GULP1: variants seen among roughly 807,000 people sequenced by gnomAD.
GULP1 encodes the protein GULP PTB domain containing engulfment adaptor 1.
GULP1 carries 19 observed loss-of-function variants against 40.9 expected under a neutral mutation model. The observed-to-expected ratio is 0.46, with a 90% confidence interval of 0.32 to 0.68. GULP1 has a LOEUF of 0.68. Among genes scored for constraint, GULP1 ranks in the 30% least tolerant of loss-of-function variants. GULP1 has a pLI of 0.03. For synonymous variants in GULP1, 119 were observed against 117.6 expected (o/e 1.01, Z -0.08); for missense variants, 312 against 362.2 (o/e 0.86, Z 1.12).
At chr2:188,460,992 G>T (rs564836519) in intron 2 of GULP1, among the ~76,000 whole-genome samples, 30 of 152,230 alleles carry the variant, frequency 2.0e-4, no homozygotes, top group African/African-American at 6.7e-4. Context: ...ATCCCACTTG[G>T]TCATGATGAA....
chr2:188,500,261 A>G (rs1250723211), intron 4 of GULP1, among the ~76,000 whole-genome samples: 1 of 151,878 alleles, frequency 6.6e-6, no homozygotes, highest in Non-Finnish European at 1.5e-5. Context: ...GTACGTGAGA[A>G]ACACTGGGAA....
rs533993119 is a variant in GULP1, at chr2:188,398,380, G to A, written c.-45+14491G>A. Among the ~76,000 whole-genome samples the A allele has an allele frequency of 2.0e-5, 3 of 152,258 alleles. No homozygotes were observed. In the South Asian group the frequency reaches 6.2e-4, roughly 32 times the overall value. Reference sequence around the variant, plus strand: ...AGTTATTGAAGAAATTGAAGAAAGTGATTTTACTTTCACTGACTTTTTAGA... The same window carrying A: ...AGTTATTGAAGAAATTGAAGAAAGTAATTTTACTTTCACTGACTTTTTAGA... On this transcript the variant is annotated intron_variant, in intron 2 of 11. Transcript: ENST00000409830.
intron 2 of GULP1, among the ~76,000 whole-genome samples, chr2:188,443,345 T>C (rs2058098114): frequency 6.6e-6 from 1 of 152,188 alleles, no homozygotes; most frequent in Non-Finnish European, 1.5e-5. Flanking sequence ...ATGTTTATTT[T>C]ACCTCCTGAT....
At chr2:188,411,904 G>A (rs1356248406) in intron 2 of GULP1, among the ~76,000 whole-genome samples, 6 of 152,166 alleles carry the variant, frequency 3.9e-5, no homozygotes, top group African/African-American at 1.4e-4. Flanking sequence ...TGTCCATTTT[G>A]GGGTGGCATC....
chr2:188,326,417 C>T (rs148598878), intron 1 of GULP1, among the ~76,000 whole-genome samples: 1 of 152,068 alleles, frequency 6.6e-6, no homozygotes, highest in East Asian at 1.9e-4. Flanking sequence ...AAATAGTTTG[C>T]CTTTTAGATA....
chr2:188,573,507 T>C (rs528947790), intron 9 of GULP1, among the ~76,000 whole-genome samples: 1 of 152,244 alleles, frequency 6.6e-6, no homozygotes, highest in Non-Finnish European at 1.5e-5. Flanking sequence ...GTTTTACATC[T>C]GTTCTTTCTT....
chr2:188,552,099 A>G (rs1343149449), intron 7 of GULP1, among the ~76,000 whole-genome samples: 1 of 150,978 alleles, frequency 6.6e-6, no homozygotes, highest in African/African-American at 2.4e-5. Context: ...ATCCGAAAAT[A>G]TTTTCTCCAA....
chr2:188,434,555 G>C (rs1039826814), intron 2 of GULP1, among the ~76,000 whole-genome samples: 1 of 150,066 alleles, frequency 6.7e-6, no homozygotes, highest in Non-Finnish European at 1.5e-5. Context: ...TTCCATATTT[G>C]TGACATCCTT....
rs2033976711 is a variant in GULP1, at chr2:188,292,472, G to A, written c.-172+306G>A. ...CGAGGTCGGGGACGCAGCGGTCTCC[G>A]GGCTCCAGAAACCTCCTTAGCCTTT... On this transcript the variant is annotated intron_variant, in intron 1 of 11. Transcript: ENST00000409830. The surrounding 1 kb of genome is among the most constrained non-coding windows in gnomAD (Gnocchi z 4.0). Among the ~76,000 whole-genome samples the A allele has an allele frequency of 6.6e-6, 1 of 152,196 alleles. No homozygotes were observed. Among genetic ancestry groups the A allele is most frequent in the South Asian group, 2.1e-4 (1 of 4,830 alleles).
chr2:188,326,136 A>G (rs1282709616), intron 1 of GULP1, among the ~76,000 whole-genome samples: 1 of 152,082 alleles, frequency 6.6e-6, no homozygotes, highest in Non-Finnish European at 1.5e-5. Context: ...CTTATTCTTT[A>G]AATCTGTTGG....
chr2:188,345,248 C>A (rs764061524), intron 1 of GULP1, among the ~76,000 whole-genome samples: 4 of 152,196 alleles, frequency 2.6e-5, no homozygotes, highest in Non-Finnish European at 5.9e-5. Flanking sequence ...CACCACTCTC[C>A]TAAGCGTTTT....
chr2:188,452,866 A>G (rs2058943031), intron 2 of GULP1, among the ~76,000 whole-genome samples: 2 of 152,270 alleles, frequency 1.3e-5, no homozygotes, highest in African/African-American at 2.4e-5. Flanking sequence ...TCATATTAAA[A>G]CTATTAGCAC....
intron 4 of GULP1, among the ~76,000 whole-genome samples, chr2:188,520,623 G>T (rs6434287): frequency 0.97 from 148,153 of 151,978 alleles, 72,339 homozygotes; most frequent in East Asian, 1. Flanking sequence ...TTACTCTCTA[G>T]CCTCCATTTG....
chr2:188,514,255 T>C lies in GULP1; in HGVS notation c.91-8501T>C, dbSNP rs564872136. Reference sequence around the variant, plus strand: ...TATGTATAGCTCACATTTATTTTGGTGTTTAACATTGGAAGTATTTCGGTC... The same window carrying C: ...TATGTATAGCTCACATTTATTTTGGCGTTTAACATTGGAAGTATTTCGGTC... On this transcript the variant is annotated intron_variant, in intron 4 of 11. Coordinates refer to ENST00000409830, the MANE Select transcript of GULP1 (RefSeq NM_016315.4). 4.6e-5 allele frequency among the ~76,000 whole-genome samples: 7 copies of C among 152,296 alleles called. No individual in the cohort carries two copies. In the South Asian group the frequency reaches 1.2e-3, roughly 27 times the overall value.
chr2:188,316,019 A>G (rs1412738389), intron 1 of GULP1, among the ~76,000 whole-genome samples: 1 of 152,122 alleles, frequency 6.6e-6, no homozygotes, highest in Non-Finnish European at 1.5e-5. Context: ...AGATAAAAAG[A>G]AATAGTTGTA....
At chr2:188,408,683 A>G (rs1340904239) in intron 2 of GULP1, among the ~76,000 whole-genome samples, 1 of 152,198 alleles carries the variant, frequency 6.6e-6, no homozygotes, top group African/African-American at 2.4e-5. Flanking sequence ...ACAGACATAT[A>G]AAGAAGATTC....
intron 2 of GULP1, among the ~76,000 whole-genome samples, chr2:188,465,159 T>G (rs2060011088): frequency 6.6e-6 from 1 of 152,078 alleles, no homozygotes; most frequent in East Asian, 1.9e-4. Flanking sequence ...CACTCAATGT[T>G]CTTAATGTAG....
intron 4 of GULP1, chr2:188,491,631 G>T (rs748991931): frequency 6.6e-6 from 1 of 152,062 alleles, no homozygotes; most frequent in Non-Finnish European, 1.5e-5. Context: ...TTCACTCTTT[G>T]TCATTTCATT....
intron 4 of GULP1, among the ~76,000 whole-genome samples, chr2:188,498,312 G>T (rs369075860): frequency 1.3e-5 from 2 of 151,904 alleles, no homozygotes; most frequent in South Asian, 2.1e-4. Flanking sequence ...TTGAACCTGA[G>T]ATAGGGGATA....
Sources: allele counts gnomAD v4.1 joint callset (sites outside exome capture counted in the v4.1 genomes callset), GRCh38; gene constraint gnomAD v4.1.1; non-coding constraint Gnocchi (gnomAD v3.1); transcripts MANE v1.5; gene names NCBI Gene and HGNC (gene_info 2026-07-23, HGNC 2026-07-21).